The following EBF2 variants were observed in gnomAD, a reference collection of about 807,000 sequenced individuals.
The protein encoded by EBF2 is EBF transcription factor 2.
A neutral mutation model predicts 72.8 loss-of-function variants in EBF2; 21 were observed. The observed-to-expected ratio is 0.29, with a 90% CI of 0.20 to 0.42. The LOEUF (loss-of-function observed/expected upper bound fraction) is 0.42, where lower values mean the gene tolerates loss of function less well. Among genes scored for constraint, EBF2 ranks in the 10% least tolerant of loss-of-function variants. The probability of loss-of-function intolerance (pLI) is 1.00; values close to 1 mark genes in which losing one functional copy is unlikely to be tolerated. For synonymous variants in EBF2, 299 were observed against 274.2 expected (o/e 1.09, Z -0.89); for missense variants, 637 against 731.2 (o/e 0.87, Z 1.49).
At chr8:25,846,828 C>T (rs1048552778) in intron 15 of EBF2, among the ~76,000 whole-genome samples, 12 of 152,180 alleles carry the variant, frequency 7.9e-5, no homozygotes, top group Non-Finnish European at 1.5e-4. Flanking sequence ...ATCCCTTCCT[C>T]CTAGTCCTAC....
intron 4 of EBF2, among the ~76,000 whole-genome samples, 173 bp downstream of exon 4, chr8:26,040,443 A>T (rs1387039783): frequency 7.7e-6 from 1 of 129,598 alleles, no homozygotes; most frequent in Admixed American, 7.4e-5. Flanking sequence ...GACAGGGAAG[A>T]AAAAAAAAAA....
intron 1 of EBF2, among the ~76,000 whole-genome samples, chr8:26,043,557 G>A (rs1005075624): frequency 2.6e-5 from 4 of 152,208 alleles, no homozygotes; most frequent in Non-Finnish European, 5.9e-5. Context: ...GCGGTCTGCC[G>A]GAGGGAAATC....
intron 14 of EBF2, among the ~76,000 whole-genome samples, chr8:25,851,885 C>T (rs186877697): frequency 5.3e-5 from 8 of 152,304 alleles, no homozygotes; most frequent in Non-Finnish European, 7.3e-5. Context: ...CCATGGACAA[C>T]TCCACCCTCA....
At chr8:26,022,862 G>A (rs906297385) in intron 6 of EBF2, among the ~76,000 whole-genome samples, 3 of 152,256 alleles carry the variant, frequency 2.0e-5, no homozygotes, top group Admixed American at 1.3e-4. Context: ...GACAAGCTTG[G>A]AGCCTCTCAT....
At chr8:25,936,783 C>T (rs960358317) in intron 6 of EBF2, among the ~76,000 whole-genome samples, 1 of 152,046 alleles carries the variant, frequency 6.6e-6, no homozygotes, top group African/African-American at 2.4e-5. Flanking sequence ...AAGGTTAATA[C>T]TTTCCTAAAA....
intron 6 of EBF2, among the ~76,000 whole-genome samples, chr8:26,015,108 A>T (rs1257519030): frequency 1.3e-5 from 2 of 152,224 alleles, no homozygotes. Context: ...CCCCCGATAG[A>T]AACTTGGCCA....
At chr8:25,905,499 A>AAAT in intron 7 of EBF2, among the ~76,000 whole-genome samples, 1 of 144,494 alleles carries the variant, frequency 6.9e-6, no homozygotes, top group Non-Finnish European at 1.5e-5. Flanking sequence ...GGAATAGTCA[A>AAAT]GCTGTAAAAA....
chr8:25,930,390 A>C (rs1803459859), intron 6 of EBF2, among the ~76,000 whole-genome samples: 1 of 152,228 alleles, frequency 6.6e-6, no homozygotes, highest in Non-Finnish European at 1.5e-5. Context: ...AGCCTCACTC[A>C]TATCTATCTA....
chr8:26,018,244 T>A (rs1805145027), intron 6 of EBF2, among the ~76,000 whole-genome samples: 1 of 144,564 alleles, frequency 6.9e-6, no homozygotes, highest in African/African-American at 2.6e-5. Context: ...ACTTAGGGAG[T>A]GGAAGATGGG....
intron 6 of EBF2, among the ~76,000 whole-genome samples, chr8:25,925,402 C>A (rs1338324705): frequency 6.6e-6 from 1 of 151,966 alleles, no homozygotes; most frequent in South Asian, 2.1e-4. Context: ...ACCTGAGGTG[C>A]CTTACAGTAA....
intron 6 of EBF2, among the ~76,000 whole-genome samples, chr8:26,028,280 A>G (rs1187737267): frequency 2.6e-5 from 4 of 152,246 alleles, no homozygotes; most frequent in Non-Finnish European, 4.4e-5. Flanking sequence ...GAAAATAAAC[A>G]AAAACACATC....
intron 6 of EBF2, among the ~76,000 whole-genome samples, chr8:25,986,696 A>G (rs7000992): frequency 0.43 from 65,722 of 151,736 alleles, 14,539 homozygotes; most frequent in South Asian, 0.51. Flanking sequence ...CTGACTTTTT[A>G]GGGGGATGGC....
At chr8:25,947,875 G>A (rs1314074384) in intron 6 of EBF2, among the ~76,000 whole-genome samples, 1 of 152,106 alleles carries the variant, frequency 6.6e-6, no homozygotes, top group Non-Finnish European at 1.5e-5. Context: ...ATAAATTCGG[G>A]GCAGACCTTG....
chr8:25,942,802 G>C (rs555823798), intron 6 of EBF2, among the ~76,000 whole-genome samples: 1 of 152,280 alleles, frequency 6.6e-6, no homozygotes, highest in East Asian at 1.9e-4. Flanking sequence ...TCCCCAGCTA[G>C]GGCCTCCTCC....
intron 2 of EBF2, among the ~76,000 whole-genome samples, chr8:26,041,682 C>T (rs904033560): frequency 3.9e-5 from 6 of 152,324 alleles, no homozygotes; most frequent in African/African-American, 1.4e-4. Flanking sequence ...GGCCAGAAGG[C>T]AGGCCAAGGC....
rs985678758 is a variant in EBF2 at position 25,842,377 on chromosome 8, A to G, written c.*2232T>C. ...TGTAAAGCTACCAAGAAATTCTACA[A>G]TCATTTTGAAGACAGTACTGCACTC... On this transcript the variant is annotated 3_prime_UTR_variant, in exon 16 of 16. Coordinates refer to ENST00000520164, the MANE Select transcript of EBF2 (RefSeq NM_022659.4). 3.9e-5 allele frequency: 6 copies of G among 152,196 alleles called. No homozygotes were observed. Among genetic ancestry groups the G allele is most frequent in the African/African-American group, 1.4e-4 (6 of 41,446 alleles). 9.4% of individuals were successfully genotyped at this position (152,196 alleles called of 1,614,324 possible).
chr8:25,849,707 G>GTT (rs1801920844), intron 15 of EBF2, among the ~76,000 whole-genome samples: 1 of 152,094 alleles, frequency 6.6e-6, no homozygotes, highest in Non-Finnish European at 1.5e-5. Flanking sequence ...TCACATTTGT[G>GTT]TTATGTCATG....
chr8:25,858,639 G>T, intron 13 of EBF2, 135 bp from the exon 14 acceptor site: 51 of 363,434 alleles, frequency 1.4e-4, no homozygotes, highest in Non-Finnish European at 1.8e-4. Context: ...GAAGTGTGCA[G>T]TCCATCTTTA....
chr8:25,854,013 G>A (rs1251543825), intron 14 of EBF2, among the ~76,000 whole-genome samples: 1 of 152,028 alleles, frequency 6.6e-6, no homozygotes. Flanking sequence ...TATCTTCAAA[G>A]TTTTCTACAA....
Sources: gnomAD v4.1 joint callset for allele counts (sites outside exome capture counted in the v4.1 genomes callset) on GRCh38, gnomAD v4.1.1 for gene constraint, MANE v1.5 for transcripts, NCBI Gene and HGNC (gene_info 2026-07-23, HGNC 2026-07-21) for gene names.